MYBPC3: variants seen among roughly 807,000 people sequenced by gnomAD.
MYBPC3 encodes myosin-binding protein C, cardiac-type.
Under a neutral mutation model 159.3 loss-of-function variants are expected in MYBPC3, and 108 were observed. The ratio of observed to expected loss-of-function variants is 0.68; its 90% CI spans 0.58 to 0.80. MYBPC3 has a LOEUF of 0.80. Among genes scored for constraint, MYBPC3 ranks in the 30% least tolerant of loss-of-function variants. The probability of loss-of-function intolerance (pLI) is 0.00; values close to 1 mark genes in which losing one functional copy is unlikely to be tolerated. For missense variants in MYBPC3, 1,631 were observed against 1,762.1 expected, an observed-to-expected ratio of 0.93 and a Z score of 1.33; for synonymous variants, 730 against 702.0, an observed-to-expected ratio of 1.04 and a Z score of -0.63.
rs1038914570 is a variant in MYBPC3, at chr11:47,342,844, C to T, written c.1443G>A (p.Gly481=). 6.2e-7 allele frequency: 1 copy of T among 1,612,580 alleles called. No homozygotes were observed. Among genetic ancestry groups the T allele is most frequent in the African/African-American group, 1.3e-5 (1 of 75,040 alleles). ...VEFECEVSEE[G]AQVKWLKDGV... Reference sequence around the variant, plus strand: ...CTGGAACTCACCATTTGACTTGCGCCCCCTCCTCCGATACTTCACACTCAA... The same window carrying T: ...CTGGAACTCACCATTTGACTTGCGCTCCCTCCTCCGATACTTCACACTCAA... Residue 481 remains glycine (G), a synonymous_variant, in exon 16 of 35, where the codon GGG becomes GGA. Transcript: ENST00000545968.
Position 47,338,645 on chromosome 11 carries a change from T to C in MYBPC3, c.2183A>G (p.Glu728Gly). 6.2e-7 allele frequency: 1 copy of C among 1,613,784 alleles called. No individual in the cohort carries two copies. The highest frequency in any genetic ancestry group is 8.5e-7 in the Non-Finnish European group (1 of 1,179,818). ...GAAGATGCTGCGGTCCTTGGTGGTC[T>C]CCACGCGGACCCGGCCCTCGGTCTC... ...LCETEGRVRVETTKDRSIFTV... is the reference protein window; with the variant it reads ...LCETEGRVRVGTTKDRSIFTV... Residue 728 changes from glutamate (E) to glycine (G), a missense_variant, in exon 23 of 35, where the codon GAG (glutamate) becomes GGG (glycine). Transcript: ENST00000545968. The surrounding 1 kb of genome is among the most constrained non-coding windows in gnomAD (Gnocchi z 4.7).
chr11:47,352,637 G>A lies in MYBPC3; in HGVS notation c.11C>T (p.Pro4Leu), dbSNP rs748689012. 2.1e-5 allele frequency: 33 copies of A among 1,594,716 alleles called. No individual in the cohort carries two copies. The highest frequency in any genetic ancestry group is 1.7e-4 in the Middle Eastern group (1 of 6,030). ...CCTAAAGCTACCTGGCTTCTTCCCC[G>A]GCTCAGGCATCCTGAGAGACGTCAC... MPE[P>L]GKKPVSAFSK... is the part of the protein sequence containing the mutation. Residue 4 changes from proline to leucine, a missense_variant, in exon 1 of 35, where the codon CCG becomes CTG. Transcript: ENST00000545968.
intron 20 of MYBPC3, among the ~76,000 whole-genome samples, chr11:47,340,016 C>T (rs1389640891): frequency 1.3e-5 from 2 of 152,180 alleles, no homozygotes; most frequent in African/African-American, 2.4e-5. Context: ...CACCCCAGGA[C>T]GTTGGCTGGG....
Position 47,341,375 on chromosome 11 carries a change from C to T in MYBPC3, c.1791-131G>A. 4 of 624,178 alleles carry T rather than the reference C, an allele frequency of 6.4e-6. No individual in the cohort carries two copies. In the South Asian group the frequency reaches 9.7e-5, roughly 15 times the overall value. The allele number at this position is 624,178 out of a possible 1,614,324, so 38.7% of individuals were successfully genotyped here. On this transcript the variant is annotated intron_variant, in intron 18 of 34. Transcript: ENST00000545968. ...TTGGTATTCTGATTTTTAAAAATGC[C>T]TTTTTTTTTCTATATTATCTAATTT...
rs11570116 is a variant in MYBPC3 at position 47,332,434 on chromosome 11, G to A, written c.3627+132C>T. On this transcript the variant is annotated intron_variant, in intron 32 of 34. Coordinates refer to ENST00000545968, the MANE Select transcript of MYBPC3 (RefSeq NM_000256.3). The surrounding 1 kb of genome is among the most constrained non-coding windows in gnomAD (Gnocchi z 4.2). ...GTGAGTACCATGGCCCTGCCCAGGG[G>A]GAGGAACCCGGTCCATACACCCCAA... The A allele has an allele frequency of 4.7e-5, 68 of 1,452,022 alleles. No individual in the cohort carries two copies. The highest frequency in any genetic ancestry group is 2.1e-4 in the Admixed American group (10 of 48,098). The allele number at this position is 1,452,022 out of a possible 1,614,324, so 89.9% of individuals were successfully genotyped here. A position where few individuals can be genotyped will look rare whatever the true frequency, so the allele number is the denominator to read the frequency against.
At chr11:47,334,155 G>T in intron 27 of MYBPC3, 145 bp from the exon 28 acceptor site, 1 of 743,114 alleles carries the variant, frequency 1.3e-6, no homozygotes, top group Non-Finnish European at 2.2e-6. Flanking sequence ...TTTAGCTCCT[G>T]CTAACACAGC....
At chr11:47,344,323 C>A (rs969091704) in intron 12 of MYBPC3, among the ~76,000 whole-genome samples, 1 of 152,194 alleles carries the variant, frequency 6.6e-6, no homozygotes, top group Non-Finnish European at 1.5e-5. Flanking sequence ...CTGTGCCCAG[C>A]ACTCTCACTC....
rs1235937921 is a variant in MYBPC3 at position 47,343,276 on chromosome 11, G to A, written c.1224-14C>T. ...GGAACTTACTTGCTGTAGAACAGAA[G>A]GGGCCGTTGAAGTGTTCCCGACGGG... On this transcript the variant is annotated splice_polypyrimidine_tract_variant and intron_variant, in intron 13 of 34. Coordinates refer to ENST00000545968, the MANE Select transcript of MYBPC3 (RefSeq NM_000256.3). 9.0e-6 allele frequency: 14 copies of A among 1,554,480 alleles called. No individual in the cohort carries two copies. Among genetic ancestry groups the A allele is most frequent in the African/African-American group, 4.1e-5 (3 of 73,830 alleles).
rs1164995671 is a variant in MYBPC3 at position 47,337,723 on chromosome 11, G to T, written c.2380C>A (p.Pro794Thr). Residue 794 changes from proline (P) to threonine (T), a missense_variant, in exon 24 of 35, where the codon CCG (proline) becomes ACG (threonine). Pro to Thr is a conservative substitution (Grantham distance 38). Coordinates refer to ENST00000545968, the MANE Select transcript of MYBPC3 (RefSeq NM_000256.3). ...GEDSCTVQWE[P>T]PAYDGGQPIL... ...GGCTGCCCGCCATCGTAGGCAGGCG[G>T]CTCCCACTGTACTGTGCAGGAGTCC... 5.1e-6 allele frequency: 8 copies of T among 1,566,538 alleles called. No homozygotes were observed. In the African/African-American group the frequency reaches 1.1e-4, roughly 21 times the overall value.
intron 27 of MYBPC3, 43 bp from the exon 28 acceptor site, chr11:47,334,053 C>T: frequency 6.6e-7 from 1 of 1,523,954 alleles, no homozygotes; most frequent in Non-Finnish European, 8.9e-7. Context: ...CCCGCCACAG[C>T]TCTGAGGGGC....
At position 47,335,963 on chromosome 11, in the gene MYBPC3, G is replaced by T; in HGVS notation, c.2651C>A (p.Thr884Asn). The T allele has an allele frequency of 6.4e-7, 1 of 1,563,858 alleles. No individual in the cohort carries two copies. Among genetic ancestry groups the T allele is most frequent in the Non-Finnish European group, 8.6e-7 (1 of 1,156,426 alleles). The change falls in exon 26 of 35, where the codon ACC (threonine) becomes AAC (asparagine). Residue 884 changes from threonine (T) to asparagine (N), a missense_variant. Thr to Asn is a moderately conservative substitution (Grantham distance 65, BLOSUM62 0). Transcript: ENST00000545968. ...THLAVEDVSDTTVSLKWRPPE... is the reference protein window; with the variant it reads ...THLAVEDVSDNTVSLKWRPPE... ...GGGCCGCCACTTGAGGGAGACCGTGGTGTCAGAGACGTCCTCTACTGCCAG... is the reference window on the plus strand; with the variant it reads ...GGGCCGCCACTTGAGGGAGACCGTGTTGTCAGAGACGTCCTCTACTGCCAG...
Position 47,333,954 on chromosome 11 carries a change from C to T in MYBPC3, c.2962G>A (p.Gly988Arg), listed in dbSNP as rs779781718. 1.5e-5 allele frequency: 23 copies of T among 1,582,824 alleles called. No individual in the cohort carries two copies. Among genetic ancestry groups the T allele is most frequent in the Admixed American group, 5.4e-5 (3 of 55,324 alleles). The change falls in exon 28 of 35, where the codon GGG becomes AGG. Residue 988 changes from glycine (G) to arginine (R), a missense_variant. Coordinates refer to ENST00000545968, the MANE Select transcript of MYBPC3 (RefSeq NM_000256.3). Reference protein sequence around the residue: ...HLRQTIQKKVGEPVNLLIPFQ... With the variant: ...HLRQTIQKKVREPVNLLIPFQ... ...GGGATGAGAAGGTTCACAGGCTCCC[C>T]GACCTTCTTCTGAATGGTCTGGCGC...
At position 47,339,646 on chromosome 11, in the gene MYBPC3, A is replaced by C. The variant is rs750269269; in HGVS notation, c.2067+5T>G. 1 of 1,581,148 alleles carries C rather than the reference A, an allele frequency of 6.3e-7. No individual in the cohort carries two copies. Among genetic ancestry groups the C allele is most frequent in the East Asian group, 2.3e-5 (1 of 43,744 alleles). ...ATGGGGAGACTGAGGAGGGACCCAC[A>C]GTACCTGCGTGATAGCCTTCTGCCA... On this transcript the variant is annotated splice_donor_5th_base_variant and intron_variant, in intron 21 of 34. Transcript: ENST00000545968.
At position 47,331,835 on chromosome 11, in the gene MYBPC3, T is replaced by G; in HGVS notation, c.*26+10A>C. 6.2e-7 allele frequency: 1 copy of G among 1,601,464 alleles called. No individual in the cohort carries two copies. On this transcript the variant is annotated intron_variant, in intron 34 of 34. Transcript: ENST00000545968. ...ACTGACTTGTGCCCTGGGTGTCGGG[T>G]GGTACATACCTGGCCATCCCCAGGA...
intron 27 of MYBPC3, 96 bp downstream of exon 27, chr11:47,334,946 G>A: frequency 1.5e-6 from 2 of 1,325,024 alleles, no homozygotes; most frequent in Non-Finnish European, 9.8e-7. Flanking sequence ...TCTGGGCAGA[G>A]CATTCTGGGC....
chr11:47,347,330 G>C, intron 9 of MYBPC3, 96 bp downstream of exon 9: 1 of 1,548,634 alleles, frequency 6.5e-7, no homozygotes, highest in Non-Finnish European at 8.7e-7. Context: ...GAGAGGTGCA[G>C]TGTTGTGCTC....
At chr11:47,349,635 C>T (rs2095898219) in intron 5 of MYBPC3, 139 bp downstream of exon 5, 1 of 1,284,204 alleles carries the variant, frequency 7.8e-7, no homozygotes, top group Admixed American at 2.7e-5. Context: ...GCCCCTCCAC[C>T]TGCCTCCCAG....
chr11:47,342,185 CGGGA>C (rs2095889401), intron 17 of MYBPC3, 29 bp from the exon 18 acceptor site: 7 of 1,609,106 alleles, frequency 4.4e-6, no homozygotes, highest in Non-Finnish European at 5.9e-6. Flanking sequence ...CCATTGAGCT[CGGGA>C]GGGTGTGTGG....
rs73451797 is a variant in MYBPC3, at chr11:47,346,555, G to A, written c.926+72C>T. ...ACTGGGGGCCAAGGGAGCTGAAGAG[G>A]GGCTGGGGATCTGGAGGGGCTCCTG... On this transcript the variant is annotated intron_variant, in intron 11 of 34. Transcript: ENST00000545968. The surrounding 1 kb of genome is among the most constrained non-coding windows in gnomAD (Gnocchi z 5.3). The A allele has an allele frequency of 2.5e-3, 3,731 of 1,519,946 alleles. 83 individuals carry two copies. The African/African-American group carries it at 0.045, about 18-fold the overall frequency. 94.2% of individuals were successfully genotyped at this position (1,519,946 alleles called of 1,614,324 possible).
Sources: allele counts gnomAD v4.1 joint callset (sites outside exome capture counted in the v4.1 genomes callset), GRCh38; gene constraint gnomAD v4.1.1; non-coding constraint Gnocchi (gnomAD v3.1); transcripts MANE v1.5; gene names NCBI Gene and HGNC (gene_info 2026-07-23, HGNC 2026-07-21).